ZBTB44: variants seen among roughly 807,000 people sequenced by gnomAD.
The protein encoded by ZBTB44 is zinc finger and BTB domain containing 44, also known as zinc finger and BTB domain-containing protein 44.
In ZBTB44, 15 loss-of-function variants were observed where a neutral mutation model predicts 54.0. The observed-to-expected ratio is 0.28, with a 90% CI of 0.19 to 0.43. The LOEUF is 0.43. Among genes scored for constraint, ZBTB44 ranks in the 20% least tolerant of loss-of-function variants. The probability of loss-of-function intolerance (pLI) is 1.00; values close to 1 mark genes in which losing one functional copy is unlikely to be tolerated. For synonymous variants in ZBTB44, 230 were observed against 250.1 expected (o/e 0.92, Z 0.76); for missense variants, 487 against 707.1 (o/e 0.69, Z 3.53).
Position 130,261,979 on chromosome 11 carries a change from A to G in ZBTB44, c.-56-50T>C. ...TTAATTGATATTTTAGTGGTTTAAA[A>G]TGTGATTTAGATCATTTTCATGTGG... On this transcript the variant is annotated intron_variant, in intron 1 of 7. Coordinates refer to ENST00000357899, the MANE Select transcript of ZBTB44 (RefSeq NM_001301098.2). This position sits in a 1 kb window ranked among gnomAD's most constrained non-coding sequence, Gnocchi z 4.8. 1 of 1,310,868 alleles carries G rather than the reference A, an allele frequency of 7.6e-7. No homozygotes were observed. Among genetic ancestry groups the G allele is most frequent in the African/African-American group, 1.5e-5 (1 of 67,262 alleles). The allele number at this position is 1,310,868 out of a possible 1,614,324, so 81.2% of individuals were successfully genotyped here. A position where few individuals can be genotyped will look rare whatever the true frequency, so the allele number is the denominator to read the frequency against.
At chr11:130,283,773 C>CT (rs1249380319) in intron 1 of ZBTB44, among the ~76,000 whole-genome samples, 1 of 151,164 alleles carries the variant, frequency 6.6e-6, no homozygotes, top group African/African-American at 2.4e-5. Flanking sequence ...TGAGATCCAC[C>CT]TGGCCAAAAT....
intron 1 of ZBTB44, among the ~76,000 whole-genome samples, chr11:130,301,913 T>C (rs1270840398): frequency 6.6e-6 from 1 of 151,080 alleles, no homozygotes; most frequent in East Asian, 2.0e-4. Flanking sequence ...AGTGGTGGAG[T>C]GCACCTGTAG....
Position 130,230,453 on chromosome 11 carries a change from A to G in ZBTB44, c.*1311T>C, listed in dbSNP as rs1185159886. Reference sequence around the variant, plus strand: ...TTTTTTTGCTAGTTATTAAGAACAAAGGGCATGTGTCGTAACAGGGGATCT... The same window carrying G: ...TTTTTTTGCTAGTTATTAAGAACAAGGGGCATGTGTCGTAACAGGGGATCT... On this transcript the variant is annotated 3_prime_UTR_variant, in exon 8 of 8. Transcript: ENST00000357899. The G allele has an allele frequency of 6.7e-6, 1 of 149,846 alleles. No individual in the cohort carries two copies. Among genetic ancestry groups the G allele is most frequent in the East Asian group, 1.9e-4 (1 of 5,172 alleles). 9.3% of individuals were successfully genotyped at this position (149,846 alleles called of 1,614,324 possible).
chr11:130,309,185 C>T (rs1942444502), intron 1 of ZBTB44, among the ~76,000 whole-genome samples: 1 of 152,238 alleles, frequency 6.6e-6, no homozygotes, highest in African/African-American at 2.4e-5. Context: ...TTCTCTCTTG[C>T]TGATCTGCCC....
intron 1 of ZBTB44, among the ~76,000 whole-genome samples, chr11:130,311,953 A>G (rs1241971874): frequency 2.0e-5 from 3 of 152,234 alleles, no homozygotes; most frequent in Non-Finnish European, 4.4e-5. Flanking sequence ...AGACGACTGT[A>G]ACTGGTTATA....
intron 1 of ZBTB44, among the ~76,000 whole-genome samples, chr11:130,277,665 TTTC>T (rs1316551504): frequency 2.0e-5 from 3 of 152,194 alleles, no homozygotes; most frequent in African/African-American, 2.4e-5. Context: ...AAAATGTTAA[TTTC>T]TTTTTTTTAA....
rs1444601256 is a variant in ZBTB44 at position 130,306,439 on chromosome 11, T to C, written c.-57+7936A>G. Among the ~76,000 whole-genome samples the C allele has an allele frequency of 8.6e-5, 13 of 151,724 alleles. No individual in the cohort carries two copies. In the East Asian group the frequency reaches 2.3e-3, roughly 27 times the overall value. On this transcript the variant is annotated intron_variant, in intron 1 of 7. Transcript: ENST00000357899. ...ATGGCTTGAACCCAGGAGGCAGAGG[T>C]TGCAGTGAGCCGAGATTGCGCCACT...
At chr11:130,311,505 G>A (rs916412063) in intron 1 of ZBTB44, among the ~76,000 whole-genome samples, 1 of 152,070 alleles carries the variant, frequency 6.6e-6, no homozygotes, top group African/African-American at 2.4e-5. Context: ...CACTGTGCTT[G>A]GCCAGTTTAT....
chr11:130,263,489 A>T (rs1260535529), intron 1 of ZBTB44, among the ~76,000 whole-genome samples: 1 of 152,236 alleles, frequency 6.6e-6, no homozygotes, highest in African/African-American at 2.4e-5. Flanking sequence ...CTGAGGGAAG[A>T]AACATGCTTT....
chr11:130,309,164 T>G (rs901615814), intron 1 of ZBTB44, among the ~76,000 whole-genome samples: 9 of 152,232 alleles, frequency 5.9e-5, no homozygotes, highest in African/African-American at 1.9e-4. Flanking sequence ...CATTGTCTCC[T>G]GGCAGTCAGC....
intron 1 of ZBTB44, among the ~76,000 whole-genome samples, chr11:130,293,783 C>G (rs984292306): frequency 6.6e-6 from 1 of 151,756 alleles, no homozygotes; most frequent in African/African-American, 2.4e-5. Context: ...GCAACAAAAG[C>G]GAAATTCCAT....
chr11:130,296,682 C>T (rs1466382844), intron 1 of ZBTB44: 1 of 1,052,816 alleles, frequency 9.5e-7, no homozygotes, highest in African/African-American at 1.6e-5. Flanking sequence ...ATCCAAGGTT[C>T]CATTAAGTGA....
chr11:130,314,221 G>A (rs537342769), intron 1 of ZBTB44, among the ~76,000 whole-genome samples, 154 bp downstream of exon 1: 2 of 152,158 alleles, frequency 1.3e-5, no homozygotes, highest in East Asian at 1.9e-4. Context: ...GCCACCGAGG[G>A]GATCCCGTGG....
intron 2 of ZBTB44, among the ~76,000 whole-genome samples, chr11:130,255,884 T>C (rs1938392684): frequency 7.5e-6 from 1 of 133,568 alleles, no homozygotes; most frequent in South Asian, 2.4e-4. Flanking sequence ...AATTCTAAAG[T>C]TGAGGCAAAA....
intron 1 of ZBTB44, among the ~76,000 whole-genome samples, chr11:130,306,241 A>G (rs111858074): frequency 0.063 from 9,521 of 152,184 alleles, 737 homozygotes; most frequent in African/African-American, 0.18. Context: ...GATGGCTCAC[A>G]CTTGTAATCC....
rs1555167098 is a variant in ZBTB44, at chr11:130,255,919, A to AAATC, written c.1018+4936_1018+4937insGATT. Among the ~76,000 whole-genome samples the AAATC allele has an allele frequency of 2.1e-4, 28 of 131,406 alleles. 1 individual carries two copies. The highest frequency in any genetic ancestry group is 8.0e-4 in the African/African-American group (28 of 34,814). 86.2% of individuals were successfully genotyped at this position (131,406 alleles called of 152,430 possible). A position where few individuals can be genotyped will look rare whatever the true frequency, so the allele number is the denominator to read the frequency against. Reference sequence around the variant, plus strand: ...ACCTCAAAAAAAAAAAAAAAAAAAAAAACACCCCTTCATGCTATAAACTCT... The same window carrying AAATC: ...ACCTCAAAAAAAAAAAAAAAAAAAAAAATCAACACCCCTTCATGCTATAAACTCT... On this transcript the variant is annotated intron_variant, in intron 2 of 7. Transcript: ENST00000357899.
intron 1 of ZBTB44, among the ~76,000 whole-genome samples, chr11:130,303,592 G>A (rs142207101): frequency 5.3e-5 from 8 of 152,150 alleles, no homozygotes; most frequent in South Asian, 4.2e-4. Context: ...CCAAGATGGC[G>A]CCATTGCACT....
At chr11:130,263,452 G>C (rs996551003) in intron 1 of ZBTB44, among the ~76,000 whole-genome samples, 3 of 152,332 alleles carry the variant, frequency 2.0e-5, no homozygotes, top group African/African-American at 4.8e-5. Context: ...CATGGCCTTC[G>C]AGAGTGCTTA....
chr11:130,250,082 G>A (rs1008366882), intron 2 of ZBTB44, among the ~76,000 whole-genome samples: 1 of 152,210 alleles, frequency 6.6e-6, no homozygotes, highest in African/African-American at 2.4e-5. Context: ...TTGGTCGGGG[G>A]AGGGACATCC....
Sources: allele counts gnomAD v4.1 joint callset (sites outside exome capture counted in the v4.1 genomes callset), GRCh38; gene constraint gnomAD v4.1.1; non-coding constraint Gnocchi (gnomAD v3.1); transcripts MANE v1.5; gene names NCBI Gene and HGNC (gene_info 2026-07-23, HGNC 2026-07-21).